LOC400499: variants seen among roughly 807,000 people sequenced by gnomAD.
the LOC400499 span, among the ~76,000 whole-genome samples, chr16:11,458,851 A>G: frequency 6.6e-6 from 1 of 152,004 alleles, no homozygotes; most frequent in African/African-American, 2.4e-5. Flanking sequence ...CCTGGCCAAC[A>G]TGGAGAAATC....
chr16:11,522,111 C>G, the LOC400499 span: 2 of 360,570 alleles, frequency 5.5e-6, no homozygotes, highest in Non-Finnish European at 9.2e-6. Flanking sequence ...GCCCAGCTGA[C>G]CCTGAAGGGC....
chr16:11,451,363 T>G, the LOC400499 span, among the ~76,000 whole-genome samples: 2 of 152,164 alleles, frequency 1.3e-5, no homozygotes, highest in African/African-American at 4.8e-5. Context: ...GAGGATCACT[T>G]GAGTCTAGGA....
the LOC400499 span, among the ~76,000 whole-genome samples, chr16:11,497,300 G>A: frequency 6.6e-6 from 1 of 152,208 alleles, no homozygotes; most frequent in African/African-American, 2.4e-5. Context: ...AAAGGACAGG[G>A]GTGTGTGGAG....
At chr16:11,435,040 C>T in the LOC400499 span, among the ~76,000 whole-genome samples, 2 of 152,204 alleles carry the variant, frequency 1.3e-5, no homozygotes, top group Non-Finnish European at 2.9e-5. Flanking sequence ...TGCAATGCTG[C>T]AATCTTACAG....
At chr16:11,493,408 T>A in the LOC400499 span, among the ~76,000 whole-genome samples, 1 of 152,150 alleles carries the variant, frequency 6.6e-6, no homozygotes, top group Non-Finnish European at 1.5e-5. Context: ...AACCCTGTAC[T>A]AGAGGGGGCA....
At chr16:11,411,327 G>C in the LOC400499 span, 4 of 399,304 alleles carry the variant, frequency 1.0e-5, no homozygotes, top group Non-Finnish European at 1.8e-5. Flanking sequence ...GCAGCTCTTT[G>C]CTAGAAGGAA....
the LOC400499 span, chr16:11,401,553 C>T: frequency 2.5e-6 from 1 of 397,868 alleles, no homozygotes; most frequent in African/African-American, 2.1e-5. Context: ...GTGCAAGGCC[C>T]TCGGAGAGCT....
the LOC400499 span, among the ~76,000 whole-genome samples, chr16:11,501,642 G>C: frequency 1.3e-5 from 2 of 152,162 alleles, no homozygotes; most frequent in African/African-American, 4.8e-5. Flanking sequence ...CTGAGATTGG[G>C]AGTCTCTTTA....
At chr16:11,396,737 T>G in the LOC400499 span, 1 of 1,198,806 alleles carries the variant, frequency 8.3e-7, no homozygotes, top group Non-Finnish European at 1.0e-6. Flanking sequence ...CTCTCCCCAG[T>G]CCCCTGCACC....
the LOC400499 span, among the ~76,000 whole-genome samples, chr16:11,522,646 T>C: frequency 1.3e-5 from 2 of 152,320 alleles, no homozygotes; most frequent in African/African-American, 4.8e-5. Context: ...TTCTCCATTT[T>C]ACAGAGGAAG....
the LOC400499 span, among the ~76,000 whole-genome samples, chr16:11,520,376 G>C: frequency 6.6e-6 from 1 of 152,108 alleles, no homozygotes; most frequent in South Asian, 2.1e-4. Context: ...AAAAAGGAAG[G>C]CTGGGCATAG....
the LOC400499 span, among the ~76,000 whole-genome samples, chr16:11,394,827 AG>A: frequency 6.6e-6 from 1 of 152,192 alleles, no homozygotes; most frequent in African/African-American, 2.4e-5. Flanking sequence ...GATCTTCCCT[AG>A]GACTTTGAGA....
the LOC400499 span, among the ~76,000 whole-genome samples, chr16:11,437,329 C>G: frequency 6.6e-6 from 1 of 152,188 alleles, no homozygotes; most frequent in Non-Finnish European, 1.5e-5. Context: ...GAGACCAAGG[C>G]AGGAGGACTG....
chr16:11,484,816 T>A, the LOC400499 span: 1 of 398,680 alleles, frequency 2.5e-6, no homozygotes, highest in East Asian at 3.6e-5. Flanking sequence ...GGTTCAAAAG[T>A]CCACGCATGA....
At chr16:11,455,761 AAG>A in the LOC400499 span, among the ~76,000 whole-genome samples, 1 of 151,690 alleles carries the variant, frequency 6.6e-6, no homozygotes, top group Non-Finnish European at 1.5e-5. Context: ...AAAAAAGAAA[AAG>A]AGAAACAAAC....
the LOC400499 span, among the ~76,000 whole-genome samples, chr16:11,433,770 G>T: frequency 6.6e-6 from 1 of 152,218 alleles, no homozygotes; most frequent in Admixed American, 6.5e-5. Flanking sequence ...CTGAACCATG[G>T]GGTTCACAGA....
At chr16:11,417,869 A>G in the LOC400499 span, 294,954 of 398,492 alleles carry the variant, frequency 0.74, 111,117 homozygotes, top group African/African-American at 0.9. Context: ...ACGCTGGACC[A>G]CCCTGTGCAG....
At chr16:11,431,592 G>A in the LOC400499 span, among the ~76,000 whole-genome samples, 12 of 152,162 alleles carry the variant, frequency 7.9e-5, no homozygotes, top group African/African-American at 2.4e-4. Context: ...TTTTGGTAGA[G>A]ATGGGGTTTC....
chr16:11,472,962 T>C, the LOC400499 span: 53,420 of 151,588 alleles, frequency 0.35, 10,499 homozygotes, highest in African/African-American at 0.51. Flanking sequence ...AGCCTGTCTC[T>C]ACTAAAATTA....
Sources: gnomAD v4.1 joint callset for allele counts (sites outside exome capture counted in the v4.1 genomes callset) on GRCh38, gnomAD v4.1.1 for gene constraint, MANE v1.5 for transcripts.